Variants in ZBTB7C observed in about 807,000 individuals in gnomAD.
ZBTB7C encodes zinc finger and BTB domain-containing protein 7C.
Under a neutral mutation model 25.7 loss-of-function variants are expected in ZBTB7C, and 8 were observed. The ratio of observed to expected loss-of-function variants is 0.31; its 90% CI spans 0.18 to 0.56. The LOEUF is 0.56. Ranked by LOEUF, ZBTB7C falls within the 20% of genes least tolerant of loss-of-function variation. The probability of loss-of-function intolerance (pLI) is 0.91; values close to 1 mark genes in which losing one functional copy is unlikely to be tolerated. For missense variants in ZBTB7C, 824 were observed against 855.2 expected (o/e 0.96, Z 0.46); for synonymous variants, 394 against 369.0 (o/e 1.07, Z -0.78).
At chr18:48,169,686 T>G (rs1377635166) in intron 3 of ZBTB7C, 1 of 152,336 alleles carries the variant, frequency 6.6e-6, no homozygotes, top group Admixed American at 6.5e-5. Context: ...GCTCATGAAG[T>G]CTCGTGTTTT....
intron 3 of ZBTB7C, among the ~76,000 whole-genome samples, chr18:48,076,520 A>T (rs1378625692): frequency 6.6e-6 from 1 of 152,196 alleles, no homozygotes; most frequent in Non-Finnish European, 1.5e-5. Flanking sequence ...AGCAATTTTT[A>T]AATATCCAGG....
Position 48,029,813 on chromosome 18 carries a change from T to C in ZBTB7C, c.1307A>G (p.Lys436Arg), listed in dbSNP as rs1420006412. 12 of 1,609,222 alleles carry C rather than the reference T, an allele frequency of 7.5e-6. No homozygotes were observed. Among genetic ancestry groups the C allele is most frequent in the Non-Finnish European group, 1.0e-5 (12 of 1,179,990 alleles). The part of the protein sequence containing the change: ...NAKFVHNYDL[K>R]NHMRIHTGVR... ...GCCCGTGTGGATGCGCATGTGGTTC[T>C]TGAGGTCGTAGTTGTGCACGAACTT... Residue 436 changes from lysine to arginine, a missense_variant, in exon 5 of 5, where the codon AAG (lysine) becomes AGG (arginine). Around this residue, in one of 4 missense-constraint regions of ZBTB7C, gnomAD observed 342 missense variants for 307.0 expected, o/e 1.11. Transcript: ENST00000590800.
chr18:48,328,015 T>C (rs889039418), intron 2 of ZBTB7C, among the ~76,000 whole-genome samples: 3 of 152,026 alleles, frequency 2.0e-5, no homozygotes, highest in Non-Finnish European at 2.9e-5. Context: ...GAGACCATCC[T>C]GGCTAACACG....
chr18:48,239,847 T>C (rs866398571), intron 2 of ZBTB7C, among the ~76,000 whole-genome samples: 7 of 152,030 alleles, frequency 4.6e-5, no homozygotes, highest in South Asian at 2.1e-4. Context: ...TCACCAGCAA[T>C]GGATCCAAAC....
chr18:48,281,096 C>T (rs1020758378), intron 2 of ZBTB7C, among the ~76,000 whole-genome samples: 2 of 152,088 alleles, frequency 1.3e-5, no homozygotes, highest in African/African-American at 2.4e-5. Flanking sequence ...TCGGGTGATT[C>T]ACCCATCTCA....
intron 3 of ZBTB7C, among the ~76,000 whole-genome samples, chr18:48,113,318 G>C (rs2039312028): frequency 2.0e-5 from 3 of 152,212 alleles, no homozygotes; most frequent in Non-Finnish European, 4.4e-5. Context: ...GGATGTACAT[G>C]AACAAGTGAA....
chr18:48,063,733 A>C (rs75415865), intron 3 of ZBTB7C, among the ~76,000 whole-genome samples: 8,474 of 152,244 alleles, frequency 0.056, 347 homozygotes, highest in African/African-American at 0.11. Flanking sequence ...GTATGGGGCT[A>C]TGGGGATTAT....
intron 2 of ZBTB7C, among the ~76,000 whole-genome samples, chr18:48,259,170 G>T (rs1400501700): frequency 1.3e-5 from 2 of 152,074 alleles, no homozygotes; most frequent in African/African-American, 4.8e-5. Context: ...GGCTGGCTTT[G>T]AACTACTGAG....
intron 2 of ZBTB7C, among the ~76,000 whole-genome samples, chr18:48,329,921 G>C (rs1389602255): frequency 6.6e-6 from 1 of 152,192 alleles, no homozygotes; most frequent in Non-Finnish European, 1.5e-5. Flanking sequence ...CCGGGAGGGA[G>C]ATTTGCTTTC....
intron 2 of ZBTB7C, among the ~76,000 whole-genome samples, chr18:48,245,126 TGG>T (rs2043647447): frequency 1.0e-5 from 1 of 99,450 alleles, no homozygotes; most frequent in African/African-American, 4.9e-5. Flanking sequence ...ACACACACCA[TGG>T]AATACTATTC....
intron 3 of ZBTB7C, among the ~76,000 whole-genome samples, chr18:48,043,872 T>C (rs1019690174): frequency 6.6e-6 from 1 of 152,166 alleles, no homozygotes; most frequent in African/African-American, 2.4e-5. Flanking sequence ...CTCGCTTCTC[T>C]CCATCTCTCA....
At chr18:48,087,561 A>AATCCT (rs2038236903) in intron 3 of ZBTB7C, 1 of 152,130 alleles carries the variant, frequency 6.6e-6, no homozygotes, top group Non-Finnish European at 1.5e-5. Context: ...AGGCAGGAAA[A>AATCCT]ATCCTCCAAA....
chr18:48,336,435 T>G (rs1025970358), intron 2 of ZBTB7C, among the ~76,000 whole-genome samples: 1 of 152,212 alleles, frequency 6.6e-6, no homozygotes, highest in Non-Finnish European at 1.5e-5. Flanking sequence ...TTACTTTATT[T>G]CATTCTCCCC....
At chr18:48,241,926 A>T (rs2043541058) in intron 2 of ZBTB7C, among the ~76,000 whole-genome samples, 1 of 152,180 alleles carries the variant, frequency 6.6e-6, no homozygotes. Flanking sequence ...CTTTGAAAAG[A>T]TAAACAAAAT....
intron 2 of ZBTB7C, among the ~76,000 whole-genome samples, chr18:48,291,613 G>A (rs559401370): frequency 4.6e-5 from 7 of 152,216 alleles, no homozygotes; most frequent in Non-Finnish European, 8.8e-5. Context: ...GTGGCACTGC[G>A]AATTTGGAAA....
intron 1 of ZBTB7C, among the ~76,000 whole-genome samples, chr18:48,387,685 G>A (rs1481218513): frequency 2.0e-5 from 3 of 152,196 alleles, no homozygotes; most frequent in Non-Finnish European, 2.9e-5. Context: ...ACTATAACCT[G>A]CATGCACACA....
At chr18:48,119,053 TG>T (rs1255478433) in intron 3 of ZBTB7C, among the ~76,000 whole-genome samples, 1 of 152,186 alleles carries the variant, frequency 6.6e-6, no homozygotes, top group Admixed American at 6.5e-5. Context: ...CAGAATCACC[TG>T]CACGGCTTGT....
chr18:48,039,960 A>G lies in ZBTB7C; in HGVS notation c.1148T>C (p.Met383Thr). 1 of 1,613,966 alleles carries G rather than the reference A, an allele frequency of 6.2e-7. No homozygotes were observed. The highest frequency in any genetic ancestry group is 1.1e-5 in the South Asian group (1 of 91,084). ...TGGCTTCTCCCCGGTATGGGTCCTCATGTGCCGCGGCAGCTTCCCGGCCCC... is the reference window on the plus strand; with the variant it reads ...TGGCTTCTCCCCGGTATGGGTCCTCGTGTGCCGCGGCAGCTTCCCGGCCCC... The part of the protein sequence containing the change: ...IMGAGKLPRH[M>T]RTHTGEKPYM... The change falls in exon 4 of 5, where the codon ATG (methionine) becomes ACG (threonine). Residue 383 changes from methionine to threonine, a missense_variant. Physicochemically the swap from Met to Thr is moderately conservative, Grantham distance 81. Transcript: ENST00000590800.
intron 1 of ZBTB7C, among the ~76,000 whole-genome samples, chr18:48,402,095 A>C (rs752693915): frequency 2.6e-5 from 4 of 152,104 alleles, no homozygotes; most frequent in Non-Finnish European, 5.9e-5. Context: ...TCTGAGTCCT[A>C]CTGTGTGCCG....
Sources: allele counts gnomAD v4.1 joint callset (sites outside exome capture counted in the v4.1 genomes callset), GRCh38; gene constraint gnomAD v4.1.1; regional missense constraint gnomAD v4.1.1; transcripts MANE v1.5; gene names NCBI Gene and HGNC (gene_info 2026-07-23, HGNC 2026-07-21).